Variants in CLSTN1 observed in about 807,000 individuals in gnomAD.
CLSTN1 encodes calsyntenin-1.
A neutral mutation model predicts 108.3 loss-of-function variants in CLSTN1; 28 were observed. The ratio of observed to expected loss-of-function variants is 0.26; its 90% confidence interval spans 0.19 to 0.35. CLSTN1 has a LOEUF of 0.35. Among genes scored for constraint, CLSTN1 ranks in the 10% least tolerant of loss-of-function variants. CLSTN1 has a pLI of 1.00. For synonymous variants in CLSTN1, 524 were observed against 534.9 expected (o/e 0.98, Z 0.28); for missense variants, 1,157 against 1,302.6 (o/e 0.89, Z 1.72).
chr1:9,765,133 G>C (rs906892070), intron 2 of CLSTN1, among the ~76,000 whole-genome samples: 3 of 152,086 alleles, frequency 2.0e-5, no homozygotes, highest in African/African-American at 7.2e-5. Flanking sequence ...GCTCAGGCCT[G>C]TAATCCCAGC....
chr1:9,759,398 C>T (rs1651962120), intron 2 of CLSTN1, among the ~76,000 whole-genome samples: 1 of 152,174 alleles, frequency 6.6e-6, no homozygotes, highest in South Asian at 2.1e-4. Context: ...ACCTCAGCCT[C>T]CCGAGTAGCT....
chr1:9,732,110 C>CA (rs915890938), intron 16 of CLSTN1, among the ~76,000 whole-genome samples: 2 of 151,998 alleles, frequency 1.3e-5, no homozygotes, highest in Non-Finnish European at 2.9e-5. Flanking sequence ...AAAAACCAAA[C>CA]AAAAAAGAGT....
At chr1:9,791,710 T>A (rs1459899521) in intron 1 of CLSTN1, among the ~76,000 whole-genome samples, 4 of 151,136 alleles carry the variant, frequency 2.6e-5, no homozygotes, top group Non-Finnish European at 2.9e-5. Context: ...TTTGTATTTT[T>A]AGTAGAGATG....
intron 2 of CLSTN1, among the ~76,000 whole-genome samples, chr1:9,761,212 A>C (rs922349875): frequency 3.9e-5 from 6 of 152,106 alleles, no homozygotes; most frequent in African/African-American, 1.2e-4. Context: ...AAATTTGAGG[A>C]GCAGGCCTGG....
chr1:9,767,658 T>C (rs571778518), intron 2 of CLSTN1, among the ~76,000 whole-genome samples: 4 of 151,598 alleles, frequency 2.6e-5, no homozygotes, highest in African/African-American at 9.7e-5. Context: ...GCCACCACCA[T>C]CACCACCCTC....
intron 1 of CLSTN1, among the ~76,000 whole-genome samples, chr1:9,782,446 C>CA (rs1007321661): frequency 2.1e-4 from 31 of 150,222 alleles, no homozygotes; most frequent in Non-Finnish European, 2.4e-4. Flanking sequence ...TAATGTGTTT[C>CA]AAAAAAAAAC....
intron 2 of CLSTN1, among the ~76,000 whole-genome samples, chr1:9,769,215 TC>T (rs900686012): frequency 6.6e-6 from 1 of 150,504 alleles, no homozygotes; most frequent in Admixed American, 6.6e-5. Context: ...AGGTGCTCCC[TC>T]CCCCCCATGC....
At chr1:9,744,691 C>T (rs764756759) in intron 7 of CLSTN1, 48 bp from the exon 8 acceptor site, 91 of 1,556,120 alleles carry the variant, frequency 5.8e-5, no homozygotes, top group East Asian at 1.2e-4. Context: ...CCAGAGGTCC[C>T]GCGCACCTCA....
At chr1:9,737,163 C>CA (rs1650735538) in intron 11 of CLSTN1, among the ~76,000 whole-genome samples, 1 of 152,144 alleles carries the variant, frequency 6.6e-6, no homozygotes, top group Non-Finnish European at 1.5e-5. Context: ...TCTCGTGGTT[C>CA]ATCCACATGA....
At chr1:9,736,319 C>T (rs754160805) in intron 11 of CLSTN1, among the ~76,000 whole-genome samples, 13 of 152,142 alleles carry the variant, frequency 8.5e-5, no homozygotes, top group Non-Finnish European at 1.8e-4. Context: ...CTGGCCACTA[C>T]CTGGTAAGGT....
rs963927430 is a variant in CLSTN1, at chr1:9,761,189, AACTTT to A, written c.215-4684_215-4680del. Reference sequence around the variant, plus strand: ...GAGATCATCTAAAATGGTCAAAAGGAACTTTACTTAAGAAATTTGAGGAGCAGGCC... The same window carrying A: ...GAGATCATCTAAAATGGTCAAAAGGAACTTAAGAAATTTGAGGAGCAGGCC... On this transcript the variant is annotated intron_variant, in intron 2 of 18. Transcript: ENST00000377298. 3.9e-5 allele frequency among the ~76,000 whole-genome samples: 6 copies of A among 152,234 alleles called. No homozygotes were observed. In the East Asian group the frequency reaches 5.8e-4, roughly 15 times the overall value.
chr1:9,729,051 A>C lies in CLSTN1; in HGVS notation c.*1457T>G, dbSNP rs146095672. ...TTAGTTAGAACCAGAACTTTATTGT[A>C]GCGGATACACTTTCTGACCTATCAT... On this transcript the variant is annotated 3_prime_UTR_variant, in exon 19 of 19. Transcript: ENST00000377298. The C allele has an allele frequency of 6.6e-6, 1 of 152,364 alleles. No individual in the cohort carries two copies. The highest frequency in any genetic ancestry group is 2.4e-5 in the African/African-American group (1 of 41,584). The allele number at this position is 152,364 out of a possible 1,614,324, so 9.4% of individuals were successfully genotyped here. A position where few individuals can be genotyped will look rare whatever the true frequency, so the allele number is the denominator to read the frequency against.
At chr1:9,815,069 T>G (rs534926942) in intron 1 of CLSTN1, among the ~76,000 whole-genome samples, 29 of 152,252 alleles carry the variant, frequency 1.9e-4, no homozygotes, top group East Asian at 1.7e-3. Context: ...AGCCCTGTGC[T>G]AGGCTCAGAT....
intron 2 of CLSTN1, among the ~76,000 whole-genome samples, chr1:9,765,356 C>A (rs564266204): frequency 6.6e-5 from 10 of 152,054 alleles, no homozygotes; most frequent in African/African-American, 2.4e-4. Context: ...TGCACTATAG[C>A]CTGGGCGACA....
chr1:9,775,169 C>T (rs115080354), intron 1 of CLSTN1, among the ~76,000 whole-genome samples: 302 of 152,194 alleles, frequency 2.0e-3, no homozygotes, highest in African/African-American at 6.1e-3. Context: ...TTGTACTGAC[C>T]TCCTACCTCA....
At chr1:9,816,391 A>G (rs1269554964) in intron 1 of CLSTN1, among the ~76,000 whole-genome samples, 1 of 152,094 alleles carries the variant, frequency 6.6e-6, no homozygotes, top group African/African-American at 2.4e-5. Context: ...CAGATATGGG[A>G]TTTCTTTTGG....
chr1:9,790,872 G>A (rs1357710368), intron 1 of CLSTN1, among the ~76,000 whole-genome samples: 2 of 150,980 alleles, frequency 1.3e-5, no homozygotes, highest in Non-Finnish European at 2.9e-5. Flanking sequence ...GGCGGCTCAC[G>A]CCTGTAATCC....
intron 1 of CLSTN1, among the ~76,000 whole-genome samples, chr1:9,799,437 C>T (rs1056290309): frequency 6.6e-6 from 1 of 151,614 alleles, no homozygotes; most frequent in Non-Finnish European, 1.5e-5. Flanking sequence ...GTCAGGAGAT[C>T]GAGACCATCC....
At chr1:9,785,904 G>A (rs1334069941) in intron 1 of CLSTN1, among the ~76,000 whole-genome samples, 3 of 151,972 alleles carry the variant, frequency 2.0e-5, no homozygotes, top group African/African-American at 4.8e-5. Flanking sequence ...GGCCGGGCAC[G>A]GTAGGTCATG....
Sources: gnomAD v4.1 joint callset for allele counts (sites outside exome capture counted in the v4.1 genomes callset) on GRCh38, gnomAD v4.1.1 for gene constraint, MANE v1.5 for transcripts, NCBI Gene and HGNC (gene_info 2026-07-23, HGNC 2026-07-21) for gene names.